The following SLC30A6 variants were observed in gnomAD, a reference collection of about 807,000 sequenced individuals.
SLC30A6 encodes solute carrier family 30 member 6.
A neutral mutation model predicts 63.0 loss-of-function variants in SLC30A6; 55 were observed. The observed-to-expected ratio is 0.87, with a 90% CI of 0.70 to 1.09. The LOEUF is 1.09. Among genes scored for constraint, SLC30A6 ranks in the 50% least tolerant of loss-of-function variants. The pLI, the probability that SLC30A6 is intolerant of heterozygous loss-of-function variation, is 0.00. For missense variants in SLC30A6, 587 were observed against 549.2 expected, an observed-to-expected ratio of 1.07 and a Z score of -0.69; for synonymous variants, 224 against 186.1, an observed-to-expected ratio of 1.20 and a Z score of -1.66.
At chr2:32,220,090 A>C in intron 13 of SLC30A6, 123 bp from the exon 14 acceptor site, 1 of 1,077,030 alleles carries the variant, frequency 9.3e-7, no homozygotes, top group Admixed American at 2.9e-5. Flanking sequence ...TATTAACATT[A>C]AGCTTTTTCT....
At chr2:32,181,989 A>G (rs1362223404) in intron 4 of SLC30A6, among the ~76,000 whole-genome samples, 1 of 142,966 alleles carries the variant, frequency 7.0e-6, no homozygotes, top group African/African-American at 2.7e-5. Flanking sequence ...GGCTGAGTAC[A>G]GTGACATAGT....
At chr2:32,175,415 A>C in intron 4 of SLC30A6, 54 bp downstream of exon 4, 1 of 1,493,120 alleles carries the variant, frequency 6.7e-7, no homozygotes, top group Non-Finnish European at 9.3e-7. Context: ...CTTGGTAGAA[A>C]TGTGGTATAG....
Position 32,221,763 on chromosome 2 carries a change from A to G in SLC30A6, c.*1050A>G, listed in dbSNP as rs1686157698. ...AATAGTCCATGGTTCTCAGTGTTTT[A>G]TTTTGATTAAGTGACTACCCAACTT... On this transcript the variant is annotated 3_prime_UTR_variant, in exon 14 of 14. Coordinates refer to ENST00000282587, the MANE Select transcript of SLC30A6 (RefSeq NM_017964.5). 6.6e-6 allele frequency: 1 copy of G among 152,172 alleles called. No homozygotes were observed. Among genetic ancestry groups the G allele is most frequent in the Admixed American group, 6.5e-5 (1 of 15,280 alleles). 9.4% of individuals were successfully genotyped at this position (152,172 alleles called of 1,614,324 possible). A position where few individuals can be genotyped will look rare whatever the true frequency, so the allele number is the denominator to read the frequency against.
At chr2:32,216,137 T>C (rs906304999) in intron 13 of SLC30A6, among the ~76,000 whole-genome samples, 3 of 152,230 alleles carry the variant, frequency 2.0e-5, no homozygotes, top group African/African-American at 7.2e-5. Flanking sequence ...ATCTTCAAAC[T>C]GCTTTTTAGA....
intron 5 of SLC30A6, among the ~76,000 whole-genome samples, chr2:32,191,362 G>A (rs1022842829): frequency 4.6e-5 from 7 of 151,834 alleles, no homozygotes; most frequent in African/African-American, 1.7e-4. Flanking sequence ...GTTGATTCCA[G>A]CATTTTTCCT....
At chr2:32,173,476 C>T (rs1430687836) in intron 2 of SLC30A6, among the ~76,000 whole-genome samples, 1 of 151,586 alleles carries the variant, frequency 6.6e-6, no homozygotes, top group Admixed American at 6.6e-5. Context: ...CTGGTTCAAG[C>T]GATTCTCCTG....
chr2:32,217,800 A>G (rs1685831593), intron 13 of SLC30A6, among the ~76,000 whole-genome samples: 1 of 150,116 alleles, frequency 6.7e-6, no homozygotes. Context: ...ATGTATTTCT[A>G]GGTATTTTAT....
At chr2:32,177,188 T>C (rs150985734) in intron 4 of SLC30A6, among the ~76,000 whole-genome samples, 246 of 152,252 alleles carry the variant, frequency 1.6e-3, no homozygotes, top group Admixed American at 3.9e-3. Context: ...CACTGATCAG[T>C]TTTTTCTCGC....
intron 12 of SLC30A6, among the ~76,000 whole-genome samples, chr2:32,209,013 G>C (rs1437843182): frequency 6.6e-6 from 1 of 152,072 alleles, no homozygotes; most frequent in Non-Finnish European, 1.5e-5. Flanking sequence ...TGTACCAGTG[G>C]GCTACACACT....
intron 13 of SLC30A6, among the ~76,000 whole-genome samples, chr2:32,216,969 A>T (rs754539582): frequency 4.0e-5 from 6 of 151,506 alleles, no homozygotes; most frequent in South Asian, 2.1e-4. Context: ...GCTCACTGCA[A>T]CCTCTGCCTC....
chr2:32,178,060 G>T (rs1460264667), intron 4 of SLC30A6, among the ~76,000 whole-genome samples: 3 of 148,914 alleles, frequency 2.0e-5, no homozygotes, highest in Non-Finnish European at 4.4e-5. Context: ...CCATTCTCCT[G>T]CCTCAGCCTC....
At chr2:32,177,751 C>T (rs1681902259) in intron 4 of SLC30A6, among the ~76,000 whole-genome samples, 1 of 151,676 alleles carries the variant, frequency 6.6e-6, no homozygotes, top group Non-Finnish European at 1.5e-5. Context: ...GCCTCAGCCT[C>T]CCAAAGTGCT....
At chr2:32,167,073 CTT>C (rs1378300355) in intron 1 of SLC30A6, among the ~76,000 whole-genome samples, 1 of 151,836 alleles carries the variant, frequency 6.6e-6, no homozygotes, top group East Asian at 1.9e-4. Context: ...TTTACAGCCT[CTT>C]TTTTTGTTGT....
At chr2:32,212,845 T>G (rs1031346256) in intron 13 of SLC30A6, among the ~76,000 whole-genome samples, 1 of 151,278 alleles carries the variant, frequency 6.6e-6, no homozygotes, top group African/African-American at 2.4e-5. Context: ...TGATCTGCTC[T>G]TGGCCTCCCA....
chr2:32,175,054 G>T (rs1226261017), intron 3 of SLC30A6, among the ~76,000 whole-genome samples: 2 of 152,122 alleles, frequency 1.3e-5, no homozygotes, highest in Non-Finnish European at 2.9e-5. Context: ...GAAGCAGGCA[G>T]AAAAATGGTA....
At chr2:32,169,776 A>C (rs1681029035) in intron 1 of SLC30A6, among the ~76,000 whole-genome samples, 1 of 152,222 alleles carries the variant, frequency 6.6e-6, no homozygotes, top group Non-Finnish European at 1.5e-5. Flanking sequence ...ACTGAGGTTC[A>C]AGAGATGGAT....
intron 10 of SLC30A6, chr2:32,201,834 A>C: frequency 7.0e-7 from 1 of 1,428,056 alleles, no homozygotes; most frequent in Non-Finnish European, 9.8e-7. Context: ...ATTATGACTC[A>C]GATGAGAAAT....
intron 5 of SLC30A6, among the ~76,000 whole-genome samples, chr2:32,189,318 A>G (rs1248168656): frequency 6.8e-5 from 9 of 131,978 alleles, no homozygotes; most frequent in African/African-American, 2.3e-4. Flanking sequence ...TTGAGGCAGC[A>G]TCTCGCTTGG....
At chr2:32,192,267 A>G (rs1683394603) in intron 5 of SLC30A6, 69 bp from the exon 6 acceptor site, 1 of 1,401,234 alleles carries the variant, frequency 7.1e-7, no homozygotes, top group African/African-American at 1.4e-5. Context: ...ATGAATGTAA[A>G]TGTGTTCTAG....
Sources: gnomAD v4.1 joint callset for allele counts (sites outside exome capture counted in the v4.1 genomes callset) on GRCh38, gnomAD v4.1.1 for gene constraint, MANE v1.5 for transcripts, NCBI Gene and HGNC (gene_info 2026-07-23, HGNC 2026-07-21) for gene names.